Variants in NUDT16L1 observed in about 807,000 individuals in gnomAD.
NUDT16L1 encodes the protein nudix hydrolase 16 like 1.
NUDT16L1 carries 19 observed loss-of-function variants against 17.3 expected under a neutral mutation model. The ratio of observed to expected loss-of-function variants is 1.10; its 90% CI spans 0.77 to 1.61. The LOEUF is 1.61. Among genes scored for constraint, NUDT16L1 ranks in the 40% most tolerant of loss-of-function variants. The pLI, the probability that NUDT16L1 is intolerant of heterozygous loss-of-function variation, is 0.00. For missense variants in NUDT16L1, 341 were observed against 292.0 expected (o/e 1.17, Z -1.22); for synonymous variants, 255 against 138.6 (o/e 1.84, Z -5.90).
At chr16:4,694,731 GA>G (rs1176856930) in intron 2 of NUDT16L1, 26 of 1,422,228 alleles carry the variant, frequency 1.8e-5, no homozygotes, top group South Asian at 6.2e-5. Flanking sequence ...GCCTGGGTAC[GA>G]GGGGGGGGAG....
At chr16:4,695,451 C>T (rs1334440795) in exon 3 of NUDT16L1, 7 of 589,242 alleles carry the variant, frequency 1.2e-5, no homozygotes, top group African/African-American at 1.1e-4. Flanking sequence ...GGCTCAGACC[C>T]TCCTCTTGTA....
At chr16:4,694,912 A>G (rs1220229474) in intron 2 of NUDT16L1, 46 bp from the exon 3 acceptor site, 5 of 1,562,922 alleles carry the variant, frequency 3.2e-6, no homozygotes, top group African/African-American at 2.7e-5. Context: ...TGGAGGTGCC[A>G]TTGTGTGGCA....
intron 2 of NUDT16L1, 46 bp downstream of exon 2, chr16:4,694,284 C>T (rs769213356): frequency 6.8e-7 from 1 of 1,475,700 alleles, no homozygotes; most frequent in Non-Finnish European, 8.9e-7. Flanking sequence ...GGGTTTGGCT[C>T]TGGCCCCGTG....
exon 3 of NUDT16L1, chr16:4,695,603 G>A: frequency 4.6e-6 from 2 of 432,972 alleles, no homozygotes; most frequent in South Asian, 7.4e-5. Context: ...TCCTTCCTGA[G>A]CCAGTTCAGG....
At chr16:4,695,733 A>AT (rs2079528022) in exon 3 of NUDT16L1, 2 of 398,882 alleles carry the variant, frequency 5.0e-6, no homozygotes, top group Admixed American at 8.7e-5. Flanking sequence ...GAGGTTTCAA[A>AT]GTAGCTTCAC....
exon 3 of NUDT16L1, chr16:4,695,824 A>C (rs1390193633): frequency 2.7e-6 from 1 of 372,986 alleles, no homozygotes; most frequent in African/African-American, 2.1e-5. Context: ...GGAGAAGACA[A>C]TAAAGTCGCT....
In NUDT16L1 at chr16:4,694,250, G is replaced by C. The variant is rs1356276027; in HGVS notation, c.414+12G>C. 2.1e-6 allele frequency: 3 copies of C among 1,463,240 alleles called. No homozygotes were observed. In the East Asian group the frequency reaches 7.8e-5, roughly 38 times the overall value. 90.6% of individuals were successfully genotyped at this position (1,463,240 alleles called of 1,614,324 possible). On this transcript the variant is annotated intron_variant, in intron 2 of 2. Transcript: ENST00000304301. ...ACCACGGCCTGGAGGTGGGGCCGCC[G>C]CCCGGGCCCCGCCCCCCGCCCCGGG...
exon 1 of NUDT16L1, chr16:4,693,813 C>T (rs565516172): frequency 7.6e-6 from 12 of 1,572,518 alleles, no homozygotes; most frequent in Non-Finnish European, 9.4e-6. Flanking sequence ...ACTCGTGCCA[C>T]GCCATGCTGT....
At chr16:4,695,257 T>G (rs777957870) in exon 3 of NUDT16L1, 466 of 1,439,004 alleles carry the variant, frequency 3.2e-4, no homozygotes, top group Non-Finnish European at 4.2e-4. Context: ...CTAGAGTGTT[T>G]GTGTGTACCC....
chr16:4,695,102 A>G, exon 3 of NUDT16L1: 1 of 1,612,870 alleles, frequency 6.2e-7, no homozygotes, highest in Non-Finnish European at 8.5e-7. Context: ...GCCCGAGGAG[A>G]AGCTGGTTGA....
chr16:4,693,569 C>A, upstream of NUDT16L1: 1 of 794,404 alleles, frequency 1.3e-6, no homozygotes, highest in South Asian at 4.4e-5. Flanking sequence ...CTCGACGACG[C>A]ACCGCGGCGC....
At chr16:4,693,758 A>G (rs1157918237) in exon 1 of NUDT16L1, 1 of 1,557,418 alleles carries the variant, frequency 6.4e-7, no homozygotes, top group South Asian at 1.2e-5. Context: ...GAGCTGAAGC[A>G]GATCAGCCGG....
rs2079503079 is a variant in NUDT16L1, at chr16:4,694,813, T to G, written c.415-145T>G. 7 of 1,446,126 alleles carry G rather than the reference T, an allele frequency of 4.8e-6. No homozygotes were observed. In the Admixed American group the frequency reaches 1.9e-4, roughly 38 times the overall value. The allele number at this position is 1,446,126 out of a possible 1,614,324, so 89.6% of individuals were successfully genotyped here. Reference sequence around the variant, plus strand: ...ACTGCTCCGAGGGAGCTGGCTGGCTTCTGCCAGGCCCTGCGTGGGTCTCCC... The same window carrying G: ...ACTGCTCCGAGGGAGCTGGCTGGCTGCTGCCAGGCCCTGCGTGGGTCTCCC... On this transcript the variant is annotated intron_variant, in intron 2 of 2. Transcript: ENST00000304301.
intron 2 of NUDT16L1, chr16:4,694,497 G>A: frequency 6.6e-7 from 1 of 1,519,138 alleles, no homozygotes; most frequent in Non-Finnish European, 8.8e-7. Context: ...TCCTGGGAGT[G>A]GGGGAGTGGG....
intron 2 of NUDT16L1, chr16:4,694,739 G>A: frequency 2.8e-6 from 4 of 1,426,106 alleles, no homozygotes; most frequent in Non-Finnish European, 3.7e-6. Context: ...ACGAGGGGGG[G>A]GAGTGCATGG....
Position 4,695,078 on chromosome 16 carries a change from G to T in NUDT16L1, c.535G>T (p.Val179Leu), listed in dbSNP as rs200699768. The T allele has an allele frequency of 5.9e-5, 95 of 1,613,420 alleles. No individual in the cohort carries two copies. Among genetic ancestry groups the T allele is most frequent in the African/African-American group, 1.3e-5 (1 of 74,896 alleles). ...GTGCCAGCTCCTCTTTGCCCTCAAG[G>T]TGCTCAACATGATGCCCGAGGAGAA... is the stretch of plus-strand genomic sequence containing the variant. The change falls in exon 3 of 3, where the codon GTG becomes TTG. Residue 179 changes from valine (V) to leucine (L), a missense_variant. Transcript: ENST00000304301.
chr16:4,694,824 C>G (rs1047146354), intron 2 of NUDT16L1, 134 bp from the exon 3 acceptor site: 49 of 1,455,466 alleles, frequency 3.4e-5, no homozygotes, highest in African/African-American at 4.3e-5. Flanking sequence ...CTGCCAGGCC[C>G]TGCGTGGGTC....
At chr16:4,695,538 A>C in exon 3 of NUDT16L1, 1 of 467,802 alleles carries the variant, frequency 2.1e-6, no homozygotes, top group Non-Finnish European at 3.8e-6. Flanking sequence ...GGGACCACTC[A>C]GAAGATGGGA....
chr16:4,695,221 CTG>C (rs773702719), exon 3 of NUDT16L1: 27 of 1,584,104 alleles, frequency 1.7e-5, no homozygotes, highest in Non-Finnish European at 2.2e-5. Context: ...GGCCGGAAGA[CTG>C]GGAATTCCTG....
Sources: allele counts gnomAD v4.1 joint callset, GRCh38; gene constraint gnomAD v4.1.1; transcripts MANE v1.5; gene names NCBI Gene and HGNC (gene_info 2026-07-23, HGNC 2026-07-21).